RWDD2B: variants seen among roughly 807,000 people sequenced by gnomAD.
RWDD2B encodes RWD domain-containing protein 2B.
RWDD2B carries 36 observed loss-of-function variants against 33.6 expected under a neutral mutation model. The observed-to-expected ratio is 1.07, with a 90% confidence interval of 0.82 to 1.42. The LOEUF (loss-of-function observed/expected upper bound fraction) is 1.42. Among genes scored for constraint, RWDD2B ranks in the 40% most tolerant of loss-of-function variants. The pLI is 0.00. For missense variants in RWDD2B, 364 were observed against 377.5 expected (o/e 0.96, Z 0.30); for synonymous variants, 126 against 133.1 (o/e 0.95, Z 0.37).
At chr21:29,015,845 TATTTATCCTAGACAAAAGCA>T (rs1240689601) in intron 1 of RWDD2B, among the ~76,000 whole-genome samples, 1 of 152,092 alleles carries the variant, frequency 6.6e-6, no homozygotes, top group East Asian at 1.9e-4. Flanking sequence ...ATGGTTTAGG[TATTTATCCTAGACAAAAGCA>T]ATCCTAATTA....
intron 1 of RWDD2B, among the ~76,000 whole-genome samples, chr21:29,016,439 T>C (rs1207639977): frequency 6.6e-6 from 1 of 152,114 alleles, no homozygotes; most frequent in Admixed American, 6.6e-5. Context: ...TAATTTTTTG[T>C]ATTTAGTAGA....
chr21:29,007,485 T>C (rs1381111900), intron 4 of RWDD2B, among the ~76,000 whole-genome samples: 1 of 152,250 alleles, frequency 6.6e-6, no homozygotes, highest in African/African-American at 2.4e-5. Flanking sequence ...AGAGTGTACT[T>C]ACACAAACCT....
At chr21:29,010,813 G>C (rs1162573681) in intron 1 of RWDD2B, among the ~76,000 whole-genome samples, 3 of 149,952 alleles carry the variant, frequency 2.0e-5, no homozygotes, top group African/African-American at 7.5e-5. Context: ...GATTGCAGGC[G>C]CGCGCCGCCA....
At chr21:29,018,108 G>A (rs1318771795) in intron 1 of RWDD2B, among the ~76,000 whole-genome samples, 3 of 152,196 alleles carry the variant, frequency 2.0e-5, no homozygotes, top group Admixed American at 6.5e-5. Flanking sequence ...CAATAACTAG[G>A]GAGAGATGAT....
At chr21:29,010,663 C>T (rs749236207) in intron 1 of RWDD2B, among the ~76,000 whole-genome samples, 1 of 149,640 alleles carries the variant, frequency 6.7e-6, no homozygotes, top group South Asian at 2.1e-4. Flanking sequence ...CTCCCTCTCC[C>T]GTCTCCCCAT....
intron 4 of RWDD2B, among the ~76,000 whole-genome samples, chr21:29,007,504 CT>C (rs1405064499): frequency 2.6e-5 from 4 of 152,126 alleles, no homozygotes; most frequent in Admixed American, 1.3e-4. Flanking sequence ...CTAGATGGTA[CT>C]TTTTTTGCAT....
In RWDD2B at chr21:29,010,243, C is replaced by T. The variant is rs145578545; in HGVS notation, c.68-1622G>A. Among the ~76,000 whole-genome samples, 791 of 152,014 alleles carry T rather than the reference C, an allele frequency of 5.2e-3. 7 individuals carry two copies. The highest frequency in any genetic ancestry group is 0.018 in the African/African-American group (753 of 41,434). ...GCCAAGTTACTTTCCAGAAAGTTGC[C>T]ATACAGAACAGAAATTTACAATTGT... On this transcript the variant is annotated intron_variant, in intron 1 of 4. Coordinates refer to ENST00000493196, the MANE Select transcript of RWDD2B (RefSeq NM_016940.3).
At chr21:29,011,956 CGACCCGGCCAGCCGCGCCG>C (rs1222865511) in intron 1 of RWDD2B, among the ~76,000 whole-genome samples, 6 of 125,638 alleles carry the variant, frequency 4.8e-5, no homozygotes, top group African/African-American at 1.9e-4. Context: ...GGTCAGCCCC[CGACCCGGCCAGCCGCGCCG>C]TCCGGGAGGG....
intron 1 of RWDD2B, among the ~76,000 whole-genome samples, chr21:29,009,245 G>A (rs546410727): frequency 9.9e-5 from 15 of 152,060 alleles, no homozygotes; most frequent in Admixed American, 5.9e-4. Context: ...GCACTGCCAC[G>A]CCCGGCTTCA....
intron 1 of RWDD2B, among the ~76,000 whole-genome samples, chr21:29,012,440 C>T (rs2084868990): frequency 6.6e-6 from 1 of 152,138 alleles, no homozygotes; most frequent in Non-Finnish European, 1.5e-5. Flanking sequence ...AAAAATTCTT[C>T]TGCCTTGGGA....
chr21:29,016,724 T>A (rs1316064480), intron 1 of RWDD2B, among the ~76,000 whole-genome samples: 2 of 152,206 alleles, frequency 1.3e-5, no homozygotes, highest in African/African-American at 4.8e-5. Flanking sequence ...TTTGTTGGCG[T>A]GGCTCTGTTA....
chr21:29,010,920 T>A (rs1418726291), intron 1 of RWDD2B, among the ~76,000 whole-genome samples: 2 of 152,210 alleles, frequency 1.3e-5, no homozygotes, highest in Admixed American at 1.3e-4. Flanking sequence ...TCCGCCAGCC[T>A]CGGCCTCCCG....
rs564988633 is a variant in RWDD2B at position 29,016,463 on chromosome 21, C to T, written c.67+2748G>A. Among the ~76,000 whole-genome samples the T allele has an allele frequency of 3.3e-5, 5 of 152,220 alleles. No homozygotes were observed. The East Asian group carries it at 9.6e-4, about 29-fold the overall frequency. ...GTATTTAGTAGAGATGGAGTTACAC[C>T]ATGTCAGTTGGGCTAGTCTCAAACT... On this transcript the variant is annotated intron_variant, in intron 1 of 4. Coordinates refer to ENST00000493196, the MANE Select transcript of RWDD2B (RefSeq NM_016940.3).
Position 29,011,120 on chromosome 21 carries a change from C to T in RWDD2B, c.68-2499G>A, listed in dbSNP as rs779537393. Among the ~76,000 whole-genome samples the T allele has an allele frequency of 1.5e-3, 230 of 152,148 alleles. 1 individual carries two copies. The highest frequency in any genetic ancestry group is 0.014 in the Middle Eastern group (4 of 294). ...CTGGGAAGTGAGGAGCGTCTCTGCC[C>T]GGCCACCCATCGTCTGGGATGTGAG... On this transcript the variant is annotated intron_variant, in intron 1 of 4. Transcript: ENST00000493196.
chr21:29,010,673 T>TGGTCTCCCTCTCCCTCTCTTTCCAC (rs1157425131), intron 1 of RWDD2B, among the ~76,000 whole-genome samples: 2 of 148,236 alleles, frequency 1.3e-5, no homozygotes, highest in Admixed American at 1.3e-4. Flanking sequence ...CGTCTCCCCA[T>TGGTCTCCCTCTCCCTCTCTTTCCAC]GGTCTCCCTC....
chr21:29,011,946 G>T (rs1399650103), intron 1 of RWDD2B, among the ~76,000 whole-genome samples: 1 of 120,184 alleles, frequency 8.3e-6, no homozygotes, highest in Non-Finnish European at 1.7e-5. Context: ...GAGGTGGGGG[G>T]GTCAGCCCCC....
chr21:29,006,451 A>G lies in RWDD2B; in HGVS notation c.926T>C (p.Val309Ala), dbSNP rs1457610001. ...TTCTACACCAAAGAACATCTGGAAA[A>G]CATCCCCACATCCTTTGGTGTTTAA... ...QFLNTKGCGD[V>A]FQMFFGVEGQ The change falls in exon 5 of 5, where the codon GTT (valine) becomes GCT (alanine). Residue 309 changes from valine to alanine, a missense_variant. Val to Ala is a moderately conservative substitution (Grantham distance 64). Coordinates refer to ENST00000493196, the MANE Select transcript of RWDD2B (RefSeq NM_016940.3). 3.1e-6 allele frequency: 5 copies of G among 1,613,042 alleles called. No homozygotes were observed. The highest frequency in any genetic ancestry group is 4.2e-6 in the Non-Finnish European group (5 of 1,179,468).
chr21:29,010,626 AAAAAAACC>A (rs1000325691), intron 1 of RWDD2B, among the ~76,000 whole-genome samples: 4 of 141,462 alleles, frequency 2.8e-5, no homozygotes, highest in African/African-American at 7.9e-5. Context: ...AAAATAAAAA[AAAAAAACC>A]AAAAAAAACC....
chr21:29,014,830 A>T (rs893488230), intron 1 of RWDD2B, among the ~76,000 whole-genome samples: 2 of 152,148 alleles, frequency 1.3e-5, no homozygotes, highest in African/African-American at 4.8e-5. Flanking sequence ...AAAAATAAAA[A>T]AATAAAAATA....
Sources: allele counts gnomAD v4.1 joint callset (sites outside exome capture counted in the v4.1 genomes callset), GRCh38; gene constraint gnomAD v4.1.1; transcripts MANE v1.5; gene names NCBI Gene and HGNC (gene_info 2026-07-23, HGNC 2026-07-21).